COL25A1: variants seen among roughly 807,000 people sequenced by gnomAD.
The protein encoded by COL25A1 is collagen type XXV alpha 1 chain, also known as collagen alpha-1(XXV) chain.
A neutral mutation model predicts 128.4 loss-of-function variants in COL25A1; 103 were observed. That is an observed-to-expected ratio of 0.80 (90% confidence interval 0.68 to 0.94). The LOEUF (loss-of-function observed/expected upper bound fraction) is 0.94, where lower values mean the gene tolerates loss of function less well. Among genes scored for constraint, COL25A1 ranks in the 40% least tolerant of loss-of-function variants. COL25A1 has a pLI of 0.00. For synonymous variants in COL25A1, 279 were observed against 277.2 expected (o/e 1.01, Z -0.06); for missense variants, 745 against 840.0 (o/e 0.89, Z 1.40).
At chr4:108,952,577 T>C (rs1317336328) in intron 8 of COL25A1, among the ~76,000 whole-genome samples, 1 of 152,168 alleles carries the variant, frequency 6.6e-6, no homozygotes, top group Non-Finnish European at 1.5e-5. Context: ...GATGGCGCAG[T>C]ATAAAAATAG....
chr4:108,843,598 C>G (rs181171885), intron 30 of COL25A1, among the ~76,000 whole-genome samples: 1 of 152,118 alleles, frequency 6.6e-6, no homozygotes, highest in Non-Finnish European at 1.5e-5. Context: ...TCACCATTGG[C>G]CACTGCAAGA....
At chr4:109,279,871 C>A (rs1000351168) in intron 3 of COL25A1, among the ~76,000 whole-genome samples, 1 of 152,090 alleles carries the variant, frequency 6.6e-6, no homozygotes, top group African/African-American at 2.4e-5. Flanking sequence ...TTTCTGTAGA[C>A]CAAATCAGTT....
At chr4:109,188,340 A>C (rs1342338509) in intron 3 of COL25A1, among the ~76,000 whole-genome samples, 2 of 152,172 alleles carry the variant, frequency 1.3e-5, no homozygotes, top group Non-Finnish European at 2.9e-5. Context: ...AAGGCTGGGA[A>C]CACGTGGTGG....
chr4:109,116,681 T>C (rs1560719704), intron 3 of COL25A1, among the ~76,000 whole-genome samples: 2 of 152,060 alleles, frequency 1.3e-5, no homozygotes, highest in African/African-American at 4.8e-5. Context: ...CAGAGTCAGA[T>C]ATGATAAGAA....
intron 11 of COL25A1, among the ~76,000 whole-genome samples, chr4:108,927,662 G>A (rs183225846): frequency 6.6e-6 from 1 of 152,250 alleles, no homozygotes; most frequent in East Asian, 1.9e-4. Flanking sequence ...TCTACATGCA[G>A]TAATTATTTT....
At chr4:109,022,450 C>G (rs1757867579) in intron 5 of COL25A1, among the ~76,000 whole-genome samples, 1 of 152,182 alleles carries the variant, frequency 6.6e-6, no homozygotes, top group Non-Finnish European at 1.5e-5. Flanking sequence ...AATTACTTGT[C>G]ATGTGGATGG....
intron 3 of COL25A1, among the ~76,000 whole-genome samples, chr4:109,066,181 C>T (rs937048436): frequency 5.3e-5 from 8 of 152,138 alleles, no homozygotes; most frequent in African/African-American, 1.7e-4. Flanking sequence ...ACCCTAAATC[C>T]AGAGCTGATT....
chr4:108,877,176 T>C (rs1739545549), intron 19 of COL25A1, among the ~76,000 whole-genome samples: 2 of 152,176 alleles, frequency 1.3e-5, no homozygotes, highest in South Asian at 4.1e-4. Context: ...CAGAAGCAAG[T>C]CTGTGGAGAA....
chr4:109,273,172 A>G (rs951145830), intron 3 of COL25A1, among the ~76,000 whole-genome samples: 1 of 152,204 alleles, frequency 6.6e-6, no homozygotes, highest in Non-Finnish European at 1.5e-5. Flanking sequence ...CACTATAGCC[A>G]TAGGCTCACT....
intron 8 of COL25A1, among the ~76,000 whole-genome samples, chr4:108,948,860 G>A (rs1370110356): frequency 6.6e-6 from 1 of 152,088 alleles, no homozygotes; most frequent in Non-Finnish European, 1.5e-5. Context: ...ATAAGAAGAC[G>A]GCAGATACAC....
chr4:109,296,500 T>C (rs1725005753), intron 3 of COL25A1, among the ~76,000 whole-genome samples: 1 of 152,056 alleles, frequency 6.6e-6, no homozygotes, highest in African/African-American at 2.4e-5. Flanking sequence ...CAAGTCTGCC[T>C]TGTACATCAA....
chr4:109,153,220 T>C (rs1771685803), intron 3 of COL25A1, among the ~76,000 whole-genome samples: 1 of 151,712 alleles, frequency 6.6e-6, no homozygotes, highest in South Asian at 2.1e-4. Context: ...ACCTCAACTC[T>C]ACTAAAAATA....
At chr4:109,185,924 TC>T (rs1775091454) in intron 3 of COL25A1, among the ~76,000 whole-genome samples, 1 of 152,150 alleles carries the variant, frequency 6.6e-6, no homozygotes, top group Non-Finnish European at 1.5e-5. Flanking sequence ...ACTTCCAGCC[TC>T]CAGAACTGTG....
At chr4:109,067,887 G>A (rs1762587802) in intron 3 of COL25A1, among the ~76,000 whole-genome samples, 1 of 152,222 alleles carries the variant, frequency 6.6e-6, no homozygotes, top group South Asian at 2.1e-4. Flanking sequence ...GAAATCATGA[G>A]GGTCAGATCT....
chr4:108,863,555 T>C lies in COL25A1; in HGVS notation c.1084-168A>G, dbSNP rs551678986. 1.4e-3 allele frequency among the ~76,000 whole-genome samples: 206 copies of C among 152,330 alleles called. 1 individual carries two copies. The highest frequency in any genetic ancestry group is 4.6e-3 in the African/African-American group (190 of 41,580). On this transcript the variant is annotated intron_variant, in intron 20 of 37. Transcript: ENST00000399132. The stretch of plus-strand genomic sequence containing the variant: ...TAACATGAATTATCTCATTTTATAA[T>C]CAAAACAATTTGTGATGGTTAATTT...
intron 22 of COL25A1, among the ~76,000 whole-genome samples, chr4:108,862,276 A>AT (rs1389648723): frequency 2.0e-5 from 3 of 152,242 alleles, no homozygotes; most frequent in Non-Finnish European, 4.4e-5. Flanking sequence ...CTCTTAAAGA[A>AT]TTTTCTGAAG....
intron 3 of COL25A1, among the ~76,000 whole-genome samples, chr4:109,238,888 C>G (rs1779642896): frequency 6.6e-6 from 1 of 151,960 alleles, no homozygotes; most frequent in African/African-American, 2.4e-5. Flanking sequence ...GTGGAAATTC[C>G]CTTTTGATGA....
chr4:108,973,486 T>C (rs1752115968), intron 8 of COL25A1, among the ~76,000 whole-genome samples: 1 of 152,246 alleles, frequency 6.6e-6, no homozygotes, highest in African/African-American at 2.4e-5. Flanking sequence ...AATATCTCTA[T>C]GCAGTATAAA....
chr4:109,046,380 G>A (rs765209238), intron 5 of COL25A1, among the ~76,000 whole-genome samples: 1 of 152,122 alleles, frequency 6.6e-6, no homozygotes, highest in Admixed American at 6.6e-5. Flanking sequence ...GTGATTTTTC[G>A]AGGAATCAAA....
Sources: allele counts gnomAD v4.1 joint callset (sites outside exome capture counted in the v4.1 genomes callset), GRCh38; gene constraint gnomAD v4.1.1; transcripts MANE v1.5; gene names NCBI Gene and HGNC (gene_info 2026-07-23, HGNC 2026-07-21).